Variants in SPOCK3 observed in about 807,000 individuals in gnomAD.
The protein encoded by SPOCK3 is testican-3.
A neutral mutation model predicts 56.6 loss-of-function variants in SPOCK3; 30 were observed. The ratio of observed to expected loss-of-function variants is 0.53; its 90% CI spans 0.40 to 0.72. The LOEUF (loss-of-function observed/expected upper bound fraction) is 0.72, where lower values mean the gene tolerates loss of function less well. Among genes scored for constraint, SPOCK3 ranks in the 30% least tolerant of loss-of-function variants. The pLI, the probability that SPOCK3 is intolerant of heterozygous loss-of-function variation, is 0.00. For synonymous variants in SPOCK3, 196 were observed against 183.3 expected, an observed-to-expected ratio of 1.07 and a Z score of -0.56; for missense variants, 527 against 530.0, an observed-to-expected ratio of 0.99 and a Z score of 0.06.
chr4:167,176,446 T>C (rs1052505219), intron 2 of SPOCK3, among the ~76,000 whole-genome samples: 3 of 152,138 alleles, frequency 2.0e-5, no homozygotes, highest in Non-Finnish European at 4.4e-5. Context: ...GTACATTCTA[T>C]TAGCATGCCC....
chr4:167,012,099 T>C (rs1015740241), intron 3 of SPOCK3, among the ~76,000 whole-genome samples: 2 of 151,958 alleles, frequency 1.3e-5, no homozygotes, highest in African/African-American at 4.8e-5. Context: ...TTCAAATTGA[T>C]TTTTCCAGTA....
intron 3 of SPOCK3, among the ~76,000 whole-genome samples, chr4:167,049,164 G>A (rs1753976162): frequency 1.3e-5 from 2 of 151,260 alleles, no homozygotes; most frequent in South Asian, 4.2e-4. Flanking sequence ...GAGTGCAATG[G>A]CATGATTTCA....
At chr4:167,166,406 C>A (rs997125437) in intron 2 of SPOCK3, among the ~76,000 whole-genome samples, 2 of 151,972 alleles carry the variant, frequency 1.3e-5, no homozygotes, top group South Asian at 4.1e-4. Context: ...TGACAGCCTA[C>A]AACCCTCTCT....
chr4:166,945,179 A>T (rs751609491), intron 4 of SPOCK3, among the ~76,000 whole-genome samples: 7 of 152,168 alleles, frequency 4.6e-5, no homozygotes, highest in Admixed American at 1.3e-4. Context: ...GTGGAGGATG[A>T]TATTTAGAAA....
At chr4:167,223,176 A>T (rs1484831956) in intron 2 of SPOCK3, among the ~76,000 whole-genome samples, 5 of 129,874 alleles carry the variant, frequency 3.8e-5, no homozygotes, top group Admixed American at 8.3e-5. Flanking sequence ...TGAATATATA[A>T]TATATATTTT....
chr4:167,205,529 AT>A lies in SPOCK3; in HGVS notation c.189+28455del, dbSNP rs546151632. 7.7e-3 allele frequency among the ~76,000 whole-genome samples: 430 copies of A among 55,776 alleles called. 12 individuals carry two copies. Among genetic ancestry groups the A allele is most frequent in the African/African-American group, 0.036 (413 of 11,522 alleles). 36.6% of individuals were successfully genotyped at this position (55,776 alleles called of 152,430 possible). A position where few individuals can be genotyped will look rare whatever the true frequency, so the allele number is the denominator to read the frequency against. Reference sequence around the variant, plus strand: ...TTATATAATATATATTATATATATTATTATATAATATATATTATATAATATA... The same window carrying A: ...TTATATAATATATATTATATATATTATATATAATATATATTATATAATATA... On this transcript the variant is annotated intron_variant, in intron 2 of 10. Coordinates refer to ENST00000357545, the MANE Select transcript of SPOCK3 (RefSeq NM_001040159.2).
chr4:167,077,898 G>A (rs1757343462), intron 2 of SPOCK3, among the ~76,000 whole-genome samples: 2 of 151,880 alleles, frequency 1.3e-5, no homozygotes, highest in South Asian at 4.1e-4. Context: ...GCAACATGGA[G>A]AGGAAACGTG....
At chr4:167,193,905 T>A (rs1732693301) in intron 2 of SPOCK3, among the ~76,000 whole-genome samples, 1 of 131,740 alleles carries the variant, frequency 7.6e-6, no homozygotes, top group Non-Finnish European at 1.6e-5. Context: ...TAGATGTCCA[T>A]ATCTCAAGAT....
At chr4:167,015,299 A>G (rs560853666) in intron 3 of SPOCK3, among the ~76,000 whole-genome samples, 1 of 152,278 alleles carries the variant, frequency 6.6e-6, no homozygotes. Flanking sequence ...AAATACTCTA[A>G]AAATGAAAAG....
intron 2 of SPOCK3, among the ~76,000 whole-genome samples, chr4:167,136,300 T>C (rs1408793237): frequency 1.3e-5 from 2 of 152,140 alleles, no homozygotes; most frequent in Non-Finnish European, 2.9e-5. Context: ...GGTGAAGATA[T>C]GACGCAAAGA....
chr4:167,149,577 T>A (rs1370433527), intron 2 of SPOCK3, among the ~76,000 whole-genome samples: 1 of 152,088 alleles, frequency 6.6e-6, no homozygotes, highest in African/African-American at 2.4e-5. Flanking sequence ...ACTGTTAATT[T>A]ATACACTAAT....
chr4:167,139,639 G>A (rs1018838579), intron 2 of SPOCK3, among the ~76,000 whole-genome samples: 8 of 151,900 alleles, frequency 5.3e-5, no homozygotes, highest in Admixed American at 2.0e-4. Flanking sequence ...CAAACAAAAT[G>A]ATTGAGTTTT....
At chr4:167,055,795 C>T (rs1292345224) in intron 3 of SPOCK3, among the ~76,000 whole-genome samples, 3 of 152,170 alleles carry the variant, frequency 2.0e-5, no homozygotes, top group Non-Finnish European at 4.4e-5. Flanking sequence ...ACAAAGCAGC[C>T]AGGAAGCTTG....
At chr4:167,207,458 T>G (rs985925393) in intron 2 of SPOCK3, among the ~76,000 whole-genome samples, 1 of 152,114 alleles carries the variant, frequency 6.6e-6, no homozygotes, top group African/African-American at 2.4e-5. Flanking sequence ...AATTACTACA[T>G]CATATGTCAT....
At chr4:166,930,130 T>G (rs1161176349) in intron 4 of SPOCK3, among the ~76,000 whole-genome samples, 1 of 152,124 alleles carries the variant, frequency 6.6e-6, no homozygotes, top group East Asian at 1.9e-4. Flanking sequence ...CTAGATATAA[T>G]CGACTGACTT....
At chr4:166,975,752 T>A (rs900060048) in intron 4 of SPOCK3, among the ~76,000 whole-genome samples, 3 of 152,128 alleles carry the variant, frequency 2.0e-5, no homozygotes, top group Admixed American at 6.6e-5. Flanking sequence ...CACAAATCAG[T>A]GAGAACATGT....
intron 2 of SPOCK3, among the ~76,000 whole-genome samples, chr4:167,115,007 G>A (rs553599371): frequency 8.0e-4 from 122 of 152,110 alleles, no homozygotes; most frequent in African/African-American, 2.7e-3. Flanking sequence ...TTAGAAAATA[G>A]CAGGAAATAT....
rs1761845828 is a variant in SPOCK3, at chr4:167,121,303, G to T, written c.190-58766C>A. 2.0e-5 allele frequency among the ~76,000 whole-genome samples: 3 copies of T among 151,834 alleles called. No individual in the cohort carries two copies. In the South Asian group the frequency reaches 6.2e-4, roughly 32 times the overall value. On this transcript the variant is annotated intron_variant, in intron 2 of 10. Transcript: ENST00000357545. ...TGGCTCATATTTTTCCAGATCAGAG[G>T]ATGGATAACAATAATAAATTCCTCA...
chr4:166,929,868 C>T (rs1329400668), intron 4 of SPOCK3, among the ~76,000 whole-genome samples: 2 of 152,044 alleles, frequency 1.3e-5, no homozygotes, highest in South Asian at 2.1e-4. Flanking sequence ...AAATTTTAAA[C>T]ATTTGATTAT....
Sources: gnomAD v4.1 joint callset for allele counts (sites outside exome capture counted in the v4.1 genomes callset) on GRCh38, gnomAD v4.1.1 for gene constraint, MANE v1.5 for transcripts, NCBI Gene and HGNC (gene_info 2026-07-23, HGNC 2026-07-21) for gene names.